RORA: variants seen among roughly 807,000 people sequenced by gnomAD.
The protein encoded by RORA is nuclear receptor ROR-alpha.
In RORA, 7 loss-of-function variants were observed where a neutral mutation model predicts 69.5. The ratio of observed to expected loss-of-function variants is 0.10; its 90% CI spans 0.06 to 0.19. The LOEUF (loss-of-function observed/expected upper bound fraction) is 0.19, where lower values mean the gene tolerates loss of function less well. Among genes scored for constraint, RORA ranks in the 10% least tolerant of loss-of-function variants. The pLI, the probability that RORA is intolerant of heterozygous loss-of-function variation, is 1.00. For missense variants in RORA, 457 were observed against 663.0 expected, an observed-to-expected ratio of 0.69 and a Z score of 3.41; for synonymous variants, 261 against 240.8, an observed-to-expected ratio of 1.08 and a Z score of -0.78.
intron 1 of RORA, among the ~76,000 whole-genome samples, chr15:60,903,801 T>C (rs1231232178): frequency 6.6e-6 from 1 of 152,190 alleles, no homozygotes; most frequent in Admixed American, 6.5e-5. Context: ...CACATAGTGA[T>C]TTAAATGGGG....
intron 1 of RORA, among the ~76,000 whole-genome samples, chr15:60,859,144 A>G (rs1216839397): frequency 6.6e-6 from 1 of 151,714 alleles, no homozygotes; most frequent in Non-Finnish European, 1.5e-5. Context: ...TCACCTGCTC[A>G]CCTCTAAGAC....
intron 1 of RORA, among the ~76,000 whole-genome samples, chr15:60,855,519 C>A (rs977965101): frequency 2.6e-5 from 4 of 152,216 alleles, no homozygotes; most frequent in African/African-American, 9.7e-5. Flanking sequence ...TGAGTTTACT[C>A]TGCCTTTGTG....
intron 1 of RORA, among the ~76,000 whole-genome samples, chr15:61,223,787 G>A (rs1358888125): frequency 2.0e-5 from 3 of 152,210 alleles, no homozygotes; most frequent in Non-Finnish European, 4.4e-5. Flanking sequence ...TTAATCTACT[G>A]TTAGTCAGAA....
At chr15:60,813,299 G>C (rs2072768478) in intron 1 of RORA, among the ~76,000 whole-genome samples, 1 of 152,214 alleles carries the variant, frequency 6.6e-6, no homozygotes, top group Admixed American at 6.5e-5. Context: ...CACTCGCTTT[G>C]TGGAGTTCTA....
intron 2 of RORA, among the ~76,000 whole-genome samples, chr15:60,573,437 T>TAAA (rs2067939870): frequency 6.6e-6 from 1 of 152,180 alleles, no homozygotes; most frequent in African/African-American, 2.4e-5. Flanking sequence ...AAAGCTTTTT[T>TAAA]ATCTCTTGAA....
intron 1 of RORA, among the ~76,000 whole-genome samples, chr15:60,811,354 C>A (rs1388805549): frequency 6.6e-6 from 1 of 152,236 alleles, no homozygotes; most frequent in Non-Finnish European, 1.5e-5. Flanking sequence ...CCCTTGCTGG[C>A]TTGGGATTCA....
chr15:60,992,776 G>T (rs999336837), intron 1 of RORA, among the ~76,000 whole-genome samples: 6 of 152,320 alleles, frequency 3.9e-5, no homozygotes, highest in African/African-American at 1.4e-4. Context: ...CATTAAGTAA[G>T]TCAAAAGTCA....
chr15:61,153,879 A>T (rs1373229161), intron 1 of RORA, among the ~76,000 whole-genome samples: 3 of 152,242 alleles, frequency 2.0e-5, no homozygotes, highest in Non-Finnish European at 4.4e-5. Flanking sequence ...AGCCATTATC[A>T]TTCATGCTAG....
chr15:60,979,255 C>A (rs72754705), intron 1 of RORA, among the ~76,000 whole-genome samples: 43,851 of 147,570 alleles, frequency 0.3, 7,443 homozygotes, highest in East Asian at 0.59. Flanking sequence ...TGAGCCACCG[C>A]ACCTAGCCCT....
intron 1 of RORA, among the ~76,000 whole-genome samples, chr15:61,062,154 T>C (rs2078195633): frequency 6.6e-6 from 1 of 152,244 alleles, no homozygotes; most frequent in Admixed American, 6.5e-5. Flanking sequence ...CAAGTCTTCT[T>C]GGCTCTGAAT....
intron 1 of RORA, among the ~76,000 whole-genome samples, chr15:61,063,941 C>T (rs886564815): frequency 1.3e-5 from 2 of 152,136 alleles, no homozygotes; most frequent in African/African-American, 4.8e-5. Context: ...AACTGCCTTC[C>T]GTCTGGTGTG....
intron 1 of RORA, among the ~76,000 whole-genome samples, chr15:61,118,023 C>T (rs981591238): frequency 2.0e-5 from 3 of 152,180 alleles, no homozygotes; most frequent in African/African-American, 7.2e-5. Context: ...AAGGCGTATT[C>T]GGTTTGACAC....
At chr15:60,831,125 C>T (rs341391) in intron 1 of RORA, among the ~76,000 whole-genome samples, 1 of 152,130 alleles carries the variant, frequency 6.6e-6, no homozygotes, top group South Asian at 2.1e-4. Context: ...CTGTGTCTTC[C>T]GCTCTCTTCT....
chr15:60,506,331 AT>A (rs1385859841), intron 5 of RORA, among the ~76,000 whole-genome samples: 1 of 152,166 alleles, frequency 6.6e-6, no homozygotes, highest in Non-Finnish European at 1.5e-5. Context: ...AGCCCTTAGA[AT>A]GGGGAGGATT....
intron 1 of RORA, among the ~76,000 whole-genome samples, chr15:60,956,725 T>C (rs1337599893): frequency 7.2e-5 from 11 of 152,244 alleles, no homozygotes; most frequent in African/African-American, 2.7e-4. Flanking sequence ...AAGGACTCAA[T>C]AAATAGCTAT....
chr15:61,041,717 C>T (rs1896783451), intron 1 of RORA, among the ~76,000 whole-genome samples: 1 of 152,166 alleles, frequency 6.6e-6, no homozygotes, highest in African/African-American at 2.4e-5. Flanking sequence ...AGCCACCATG[C>T]CCAGCTAGTA....
chr15:60,660,678 A>C (rs533625041), intron 2 of RORA, among the ~76,000 whole-genome samples: 1 of 152,266 alleles, frequency 6.6e-6, no homozygotes, highest in East Asian at 1.9e-4. Context: ...CTGGTAACAC[A>C]CAGGCACTGC....
chr15:60,832,754 T>G (rs8042149), intron 1 of RORA, among the ~76,000 whole-genome samples: 67,696 of 151,974 alleles, frequency 0.45, 16,302 homozygotes, highest in Non-Finnish European at 0.55. Flanking sequence ...TCTGTCACAT[T>G]TTGTTGAGGA....
intron 2 of RORA, among the ~76,000 whole-genome samples, chr15:60,563,548 A>G (rs377649665): frequency 5.3e-5 from 8 of 152,270 alleles, no homozygotes; most frequent in Admixed American, 4.6e-4. Flanking sequence ...GATGTGGTCA[A>G]TCTTAGGGAA....
Sources: allele counts gnomAD v4.1 joint callset (sites outside exome capture counted in the v4.1 genomes callset), GRCh38; gene constraint gnomAD v4.1.1; transcripts MANE v1.5; gene names NCBI Gene and HGNC (gene_info 2026-07-23, HGNC 2026-07-21).